The following NKAIN2 variants were observed in gnomAD, a reference collection of about 807,000 sequenced individuals.
NKAIN2 encodes the protein sodium/potassium-transporting ATPase subunit beta-1-interacting protein 2.
In NKAIN2, 14 loss-of-function variants were observed where a neutral mutation model predicts 32.6. The observed-to-expected ratio is 0.43, with a 90% CI of 0.28 to 0.67. NKAIN2 has a LOEUF of 0.67. Among genes scored for constraint, NKAIN2 ranks in the 30% least tolerant of loss-of-function variants. The pLI, the probability that NKAIN2 is intolerant of heterozygous loss-of-function variation, is 0.17. For missense variants in NKAIN2, 198 were observed against 258.3 expected (o/e 0.77, Z 1.60); for synonymous variants, 80 against 87.2 (o/e 0.92, Z 0.46).
chr6:124,022,736 G>A (rs1259665283), intron 1 of NKAIN2, among the ~76,000 whole-genome samples: 1 of 152,116 alleles, frequency 6.6e-6, no homozygotes, highest in African/African-American at 2.4e-5. Context: ...AAACAGATTA[G>A]CAATTTAAAT....
chr6:124,463,451 T>C (rs946031825), intron 3 of NKAIN2, among the ~76,000 whole-genome samples: 7 of 152,206 alleles, frequency 4.6e-5, no homozygotes, highest in Middle Eastern at 3.4e-3. Context: ...TCTGCCTCTA[T>C]TGTATCACTC....
intron 3 of NKAIN2, among the ~76,000 whole-genome samples, chr6:124,483,804 C>T (rs1777548829): frequency 6.6e-6 from 1 of 151,764 alleles, no homozygotes; most frequent in South Asian, 2.1e-4. Flanking sequence ...TCTTATAAAA[C>T]ATTATAAATA....
chr6:124,722,398 T>G (rs1157933906), intron 4 of NKAIN2, among the ~76,000 whole-genome samples: 1 of 152,128 alleles, frequency 6.6e-6, no homozygotes, highest in Non-Finnish European at 1.5e-5. Flanking sequence ...TCCTCAAACT[T>G]TTTGGCAACA....
intron 2 of NKAIN2, among the ~76,000 whole-genome samples, chr6:124,347,664 G>A (rs1255016263): frequency 3.9e-5 from 6 of 152,048 alleles, no homozygotes; most frequent in Non-Finnish European, 7.4e-5. Flanking sequence ...CGTAGTTCTC[G>A]AGCCTTGGCT....
chr6:123,951,929 G>A (rs1338623782), intron 1 of NKAIN2, among the ~76,000 whole-genome samples: 2 of 150,442 alleles, frequency 1.3e-5, no homozygotes, highest in South Asian at 4.2e-4. Context: ...CAGTCTGGCG[G>A]TTTTCTATAG....
At chr6:124,190,385 T>G (rs977282350) in intron 1 of NKAIN2, among the ~76,000 whole-genome samples, 1 of 152,224 alleles carries the variant, frequency 6.6e-6, no homozygotes, top group Non-Finnish European at 1.5e-5. Context: ...CTTGGCATCA[T>G]GTAGACAAAC....
intron 1 of NKAIN2, among the ~76,000 whole-genome samples, chr6:124,274,983 C>CA (rs1430477675): frequency 2.6e-5 from 4 of 152,070 alleles, no homozygotes; most frequent in Admixed American, 6.5e-5. Context: ...CTCAATTAAA[C>CA]AAAAAACAAA....
At chr6:123,837,888 A>G (rs963057638) in intron 1 of NKAIN2, among the ~76,000 whole-genome samples, 3 of 152,170 alleles carry the variant, frequency 2.0e-5, no homozygotes, top group African/African-American at 7.2e-5. Flanking sequence ...GTCCTTGTGC[A>G]TGGAATTAGT....
chr6:123,805,958 A>G (rs1160836486), intron 1 of NKAIN2, among the ~76,000 whole-genome samples: 1 of 152,148 alleles, frequency 6.6e-6, no homozygotes, highest in Non-Finnish European at 1.5e-5. Flanking sequence ...TCTGTATGAC[A>G]TTTTGTGTGA....
At chr6:124,287,960 C>CT (rs34126592) in intron 2 of NKAIN2, among the ~76,000 whole-genome samples, 38,435 of 151,736 alleles carry the variant, frequency 0.25, 7,913 homozygotes, top group African/African-American at 0.57. Context: ...TTTCTCCCCC[C>CT]CTCTCCCTTT....
intron 1 of NKAIN2, among the ~76,000 whole-genome samples, chr6:124,203,042 G>T (rs529136942): frequency 6.6e-6 from 1 of 151,924 alleles, no homozygotes; most frequent in Non-Finnish European, 1.5e-5. Flanking sequence ...TGTGCTGTCT[G>T]TTTAAATGTT....
intron 1 of NKAIN2, among the ~76,000 whole-genome samples, chr6:123,824,833 C>T (rs1272622520): frequency 7.9e-5 from 12 of 152,004 alleles, no homozygotes. Context: ...GGAGGGAGGA[C>T]ACCAGGCAAC....
At chr6:124,057,320 T>C (rs1437000530) in intron 1 of NKAIN2, among the ~76,000 whole-genome samples, 1 of 152,056 alleles carries the variant, frequency 6.6e-6, no homozygotes, top group East Asian at 1.9e-4. Flanking sequence ...TTGTCTTTGA[T>C]TTTAATGCCA....
chr6:124,248,910 T>G (rs531158140), intron 1 of NKAIN2, among the ~76,000 whole-genome samples: 9 of 152,124 alleles, frequency 5.9e-5, no homozygotes, highest in Non-Finnish European at 1.3e-4. Context: ...AGACATTATA[T>G]AACCTCAAAG....
chr6:124,695,559 C>T (rs533586611), intron 4 of NKAIN2, among the ~76,000 whole-genome samples: 99 of 152,232 alleles, frequency 6.5e-4, no homozygotes, highest in African/African-American at 2.3e-3. Flanking sequence ...ATAACAGTAG[C>T]CTGAGTAACC....
chr6:124,049,184 G>A (rs915446480), intron 1 of NKAIN2, among the ~76,000 whole-genome samples: 8 of 151,924 alleles, frequency 5.3e-5, no homozygotes, highest in Admixed American at 2.0e-4. Flanking sequence ...AATTTTACAC[G>A]TAGGTTTTTT....
intron 4 of NKAIN2, among the ~76,000 whole-genome samples, chr6:124,665,902 C>T (rs980770870): frequency 7.9e-5 from 12 of 152,092 alleles, no homozygotes; most frequent in Admixed American, 3.9e-4. Flanking sequence ...CTCAGTAAAT[C>T]GTGAGTTGGT....
chr6:124,733,925 T>A (rs1452789315), intron 4 of NKAIN2, among the ~76,000 whole-genome samples: 1 of 151,614 alleles, frequency 6.6e-6, no homozygotes, highest in Non-Finnish European at 1.5e-5. Context: ...AATGGGCACA[T>A]CTAACACCCA....
intron 3 of NKAIN2, among the ~76,000 whole-genome samples, chr6:124,580,911 T>G (rs1212928124): frequency 6.6e-6 from 1 of 151,948 alleles, no homozygotes; most frequent in Non-Finnish European, 1.5e-5. Flanking sequence ...GAAATAGATT[T>G]AAAAACAAAA....
Sources: allele counts gnomAD v4.1 joint callset (sites outside exome capture counted in the v4.1 genomes callset), GRCh38; gene constraint gnomAD v4.1.1; transcripts MANE v1.5; gene names NCBI Gene and HGNC (gene_info 2026-07-23, HGNC 2026-07-21).